The following WDR27 variants were observed in gnomAD, a reference collection of about 807,000 sequenced individuals.
WDR27 encodes the protein WD repeat domain 27.
In WDR27, 100 loss-of-function variants were observed where a neutral mutation model predicts 114.4. That is an observed-to-expected ratio of 0.87 (90% CI 0.74 to 1.03). WDR27 has a LOEUF of 1.03. WDR27 is among the 50% of genes least tolerant of loss of function. The pLI is 0.00. For missense variants in WDR27, 1,129 were observed against 1,092.9 expected, an observed-to-expected ratio of 1.03 and a Z score of -0.47; for synonymous variants, 449 against 423.1, an observed-to-expected ratio of 1.06 and a Z score of -0.75.
the WDR27 span, among the ~76,000 whole-genome samples, chr6:169,448,687 T>C: frequency 6.6e-6 from 1 of 152,164 alleles, no homozygotes; most frequent in Non-Finnish European, 1.5e-5. Context: ...TTCACCGACC[T>C]GCACGTGGCC....
intron 21 of WDR27, among the ~76,000 whole-genome samples, chr6:169,630,132 G>A (rs995262542): frequency 6.6e-6 from 1 of 152,108 alleles, no homozygotes; most frequent in Non-Finnish European, 1.5e-5. Flanking sequence ...AACATCTCAG[G>A]AGAGACTTTT....
intron 18 of WDR27, among the ~76,000 whole-genome samples, chr6:169,637,616 T>C (rs749714833): frequency 8.5e-5 from 13 of 152,134 alleles, no homozygotes; most frequent in Non-Finnish European, 1.9e-4. Context: ...TGTGAATATG[T>C]GGCAAGTATG....
the WDR27 span, among the ~76,000 whole-genome samples, chr6:169,427,812 A>C: frequency 6.9e-6 from 1 of 144,796 alleles, no homozygotes; most frequent in African/African-American, 2.5e-5. Flanking sequence ...CAACAACCAA[A>C]AAAAAAAAAA....
chr6:169,478,174 C>T (rs1787457686), intron 25 of WDR27, among the ~76,000 whole-genome samples: 1 of 152,142 alleles, frequency 6.6e-6, no homozygotes, highest in African/African-American at 2.4e-5. Context: ...GGGCGTTCTT[C>T]ATCCTGACTG....
At chr6:169,644,221 T>TAGTTCACAGGAGTCACACTGTA (rs1819921661) in intron 16 of WDR27, among the ~76,000 whole-genome samples, 6 of 25,060 alleles carry the variant, frequency 2.4e-4, no homozygotes, top group Admixed American at 4.8e-4. Context: ...GTCACACTGT[T>TAGTTCACAGGAGTCACACTGTA]GAAAACCCTA....
At chr6:169,665,273 A>G in intron 7 of WDR27, 1 of 1,334,476 alleles carries the variant, frequency 7.5e-7, no homozygotes, top group Non-Finnish European at 9.6e-7. Context: ...TGGGACATGC[A>G]GACCCAGCTC....
At chr6:169,585,516 T>G (rs1174274666) in intron 23 of WDR27, among the ~76,000 whole-genome samples, 1 of 152,178 alleles carries the variant, frequency 6.6e-6, no homozygotes, top group African/African-American at 2.4e-5. Context: ...AAAATCCACA[T>G]GAAGCTTTTG....
intron 3 of WDR27, chr6:169,670,949 C>T (rs1274103738): frequency 6.8e-6 from 3 of 440,990 alleles, no homozygotes; most frequent in African/African-American, 2.0e-5. Context: ...TCTCTGGAGG[C>T]TGCAGTACCT....
intron 14 of WDR27, among the ~76,000 whole-genome samples, chr6:169,651,410 G>A (rs1004219440): frequency 6.6e-6 from 1 of 152,110 alleles, no homozygotes; most frequent in African/African-American, 2.4e-5. Flanking sequence ...TTGCCTTTGA[G>A]GAGTGGGCTC....
At chr6:169,509,783 A>T (rs1288085554) in intron 25 of WDR27, among the ~76,000 whole-genome samples, 8 of 152,308 alleles carry the variant, frequency 5.3e-5, no homozygotes, top group Non-Finnish European at 5.9e-5. Context: ...GACAAATGGG[A>T]TCTAATTAAA....
intron 1 of WDR27, among the ~76,000 whole-genome samples, chr6:169,694,099 G>A (rs547028643): frequency 6.6e-6 from 1 of 152,282 alleles, no homozygotes; most frequent in Admixed American, 6.5e-5. Context: ...CACAAGGTCA[G>A]GAGTTTGAGA....
At chr6:169,583,783 C>T (rs554446302) in intron 23 of WDR27, among the ~76,000 whole-genome samples, 4 of 151,934 alleles carry the variant, frequency 2.6e-5, no homozygotes, top group South Asian at 4.2e-4. Context: ...AAAAATGAAG[C>T]GTATTGTGTA....
rs1233707463 is a variant in WDR27, at chr6:169,668,000, A to C, written c.642T>G (p.Ser214=). ...PWRAGTLISA[S]EDRGFKVWDH... is the part of the protein sequence containing the mutation. ...CCCTCACCTTAAAGCCTCTGTCCTC[A>C]GACGCCGAGATGAGGGTGCCTGCTC... is the stretch of plus-strand genomic sequence containing the variant. Residue 214 remains serine, a synonymous_variant, in exon 5 of 26, where the codon TCT becomes TCG. Transcript: ENST00000448612. 1 of 1,613,624 alleles carries C rather than the reference A, an allele frequency of 6.2e-7. No homozygotes were observed. The highest frequency in any genetic ancestry group is 8.5e-7 in the Non-Finnish European group (1 of 1,179,790).
chr6:169,561,083 A>C (rs1458865304), intron 25 of WDR27, among the ~76,000 whole-genome samples: 1 of 152,168 alleles, frequency 6.6e-6, no homozygotes, highest in Non-Finnish European at 1.5e-5. Context: ...AAAATGCCAT[A>C]AACTGGGTGG....
intron 21 of WDR27, among the ~76,000 whole-genome samples, chr6:169,621,665 C>T (rs571546740): frequency 1.1e-4 from 16 of 151,608 alleles, no homozygotes; most frequent in South Asian, 6.3e-4. Context: ...CATTCATTCA[C>T]GCATATACAT....
intron 25 of WDR27, among the ~76,000 whole-genome samples, chr6:169,545,480 G>A (rs1332683963): frequency 1.3e-5 from 2 of 152,096 alleles, no homozygotes; most frequent in African/African-American, 4.8e-5. Flanking sequence ...TGGATCACTT[G>A]AGCCCAGGAG....
intron 25 of WDR27, among the ~76,000 whole-genome samples, chr6:169,525,969 A>C (rs539744754): frequency 6.6e-6 from 1 of 152,346 alleles, no homozygotes; most frequent in South Asian, 2.1e-4. Context: ...TCAGTGAAAC[A>C]AGCCAGACAC....
At chr6:169,573,557 G>A (rs1468602086) in intron 24 of WDR27, among the ~76,000 whole-genome samples, 1 of 152,126 alleles carries the variant, frequency 6.6e-6, no homozygotes, top group South Asian at 2.1e-4. Context: ...AGCACACGGG[G>A]GACCTGGAAC....
At chr6:169,582,987 C>T in intron 23 of WDR27, 53 bp from the exon 24 acceptor site, 1 of 1,541,114 alleles carries the variant, frequency 6.5e-7, no homozygotes, top group Non-Finnish European at 8.9e-7. Context: ...CAGGAATCAC[C>T]TGTAAGCTAG....
Sources: allele counts gnomAD v4.1 joint callset (sites outside exome capture counted in the v4.1 genomes callset), GRCh38; gene constraint gnomAD v4.1.1; transcripts MANE v1.5; gene names NCBI Gene and HGNC (gene_info 2026-07-23, HGNC 2026-07-21).